IPO11: variants seen among roughly 807,000 people sequenced by gnomAD.
IPO11 encodes importin-11.
Under a neutral mutation model 143.2 loss-of-function variants are expected in IPO11, and 66 were observed. That is an observed-to-expected ratio of 0.46 (90% CI 0.38 to 0.57). The LOEUF (loss-of-function observed/expected upper bound fraction) is 0.57, where lower values mean the gene tolerates loss of function less well. IPO11 is among the 20% of genes least tolerant of loss of function. The probability of loss-of-function intolerance (pLI) is 0.00; values close to 1 mark genes in which losing one functional copy is unlikely to be tolerated. For synonymous variants in IPO11, 385 were observed against 377.8 expected (o/e 1.02, Z -0.22); for missense variants, 1,026 against 1,141.0 (o/e 0.90, Z 1.45).
chr5:62,414,722 T>A (rs1405228367), intron 1 of IPO11, among the ~76,000 whole-genome samples: 1 of 152,236 alleles, frequency 6.6e-6, no homozygotes, highest in East Asian at 1.9e-4. Flanking sequence ...AGCTGCTGAA[T>A]CAAAATCTGC....
intron 26 of IPO11, 65 bp downstream of exon 26, chr5:62,551,401 T>A: frequency 2.3e-6 from 2 of 865,926 alleles, no homozygotes; most frequent in Non-Finnish European, 3.7e-6. Context: ...AATAGTTTGA[T>A]GAAATAATGA....
At chr5:62,443,243 C>A in intron 3 of IPO11, 160 bp downstream of exon 3, 1 of 451,118 alleles carries the variant, frequency 2.2e-6, no homozygotes, top group Non-Finnish European at 3.9e-6. Flanking sequence ...GGTCTCTGTG[C>A]AAGGATGATG....
At chr5:62,461,860 ACGT>A (rs1745371319) in intron 5 of IPO11, among the ~76,000 whole-genome samples, 2 of 152,274 alleles carry the variant, frequency 1.3e-5, no homozygotes, top group African/African-American at 4.8e-5. Flanking sequence ...CATTATACTT[ACGT>A]TGAACATCTC....
At chr5:62,530,189 T>A (rs78859001) in intron 21 of IPO11, among the ~76,000 whole-genome samples, 14,062 of 152,208 alleles carry the variant, frequency 0.092, 661 homozygotes, top group South Asian at 0.16. Context: ...ATGCTTTTGG[T>A]TTATTGTTAT....
intron 26 of IPO11, among the ~76,000 whole-genome samples, chr5:62,552,690 G>A (rs1743429216): frequency 1.3e-5 from 2 of 152,034 alleles, no homozygotes; most frequent in South Asian, 4.1e-4. Flanking sequence ...GTTTCCATGA[G>A]GGGCCTGGTC....
chr5:62,588,520 G>A (rs1398005463), intron 27 of IPO11, among the ~76,000 whole-genome samples: 1 of 152,166 alleles, frequency 6.6e-6, no homozygotes, highest in Non-Finnish European at 1.5e-5. Flanking sequence ...GGCGTGAGCC[G>A]CCATGCCTGG....
intron 7 of IPO11, among the ~76,000 whole-genome samples, chr5:62,471,755 T>TA (rs1314852154): frequency 6.6e-6 from 1 of 152,192 alleles, no homozygotes; most frequent in Non-Finnish European, 1.5e-5. Context: ...ACTAATTTTT[T>TA]AAAAAAGAGA....
rs186068150 is a variant in IPO11, at chr5:62,584,472, G to A, written c.2583-7105G>A. ...AAATAAAAATAAAAAATAAATCTGG[G>A]TGTGGTGGCCTGTGCCCGTAGTCCT... On this transcript the variant is annotated intron_variant, in intron 27 of 29. Coordinates refer to ENST00000325324, the MANE Select transcript of IPO11 (RefSeq NM_016338.5). 3.3e-4 allele frequency among the ~76,000 whole-genome samples: 50 copies of A among 152,044 alleles called. No individual in the cohort carries two copies. The East Asian group carries it at 7.1e-3, about 22-fold the overall frequency.
At chr5:62,511,490 CTT>C (rs1323192209) in intron 19 of IPO11, among the ~76,000 whole-genome samples, 1 of 152,174 alleles carries the variant, frequency 6.6e-6, no homozygotes, top group Non-Finnish European at 1.5e-5. Flanking sequence ...TAACACATCT[CTT>C]AATATTTATT....
At chr5:62,419,989 C>T (rs1349434269) in intron 1 of IPO11, among the ~76,000 whole-genome samples, 3 of 151,814 alleles carry the variant, frequency 2.0e-5, no homozygotes, top group African/African-American at 4.8e-5. Context: ...TGACAGAGAT[C>T]GTAACTCTTA....
At chr5:62,599,958 C>G (rs1745442791) in intron 28 of IPO11, among the ~76,000 whole-genome samples, 1 of 152,038 alleles carries the variant, frequency 6.6e-6, no homozygotes, top group Admixed American at 6.6e-5. Flanking sequence ...TGTTATTTGT[C>G]TAGTTTTTGG....
chr5:62,487,167 T>C (rs1357485574), intron 12 of IPO11, among the ~76,000 whole-genome samples: 1 of 152,224 alleles, frequency 6.6e-6, no homozygotes, highest in East Asian at 1.9e-4. Context: ...TTTTTAAATG[T>C]AGCTAATGCT....
At chr5:62,419,032 C>G in intron 1 of IPO11, 1 of 1,551,208 alleles carries the variant, frequency 6.4e-7, no homozygotes, top group Non-Finnish European at 8.7e-7. Flanking sequence ...GCCTATTATA[C>G]ACTTGGGCTA....
intron 19 of IPO11, among the ~76,000 whole-genome samples, chr5:62,507,252 A>G (rs979710755): frequency 6.6e-6 from 1 of 152,182 alleles, no homozygotes; most frequent in African/African-American, 2.4e-5. Flanking sequence ...CTTTAAGCAT[A>G]ATGCGACTCC....
At chr5:62,569,139 G>A (rs1050746168) in intron 27 of IPO11, among the ~76,000 whole-genome samples, 9 of 152,224 alleles carry the variant, frequency 5.9e-5, no homozygotes, top group African/African-American at 1.2e-4. Flanking sequence ...TGTGGGTGGC[G>A]GGGAGGGGAG....
intron 29 of IPO11, among the ~76,000 whole-genome samples, chr5:62,625,880 T>C: frequency 6.6e-6 from 1 of 152,196 alleles, no homozygotes; most frequent in Non-Finnish European, 1.5e-5. Context: ...CTTTTCTAAT[T>C]GCTGAGTCCA....
chr5:62,594,792 A>C (rs572551436), intron 28 of IPO11, among the ~76,000 whole-genome samples: 2 of 152,300 alleles, frequency 1.3e-5, no homozygotes, highest in Non-Finnish European at 2.9e-5. Context: ...ACAACCTAGA[A>C]GGGGAGACAG....
chr5:62,616,026 T>C (rs996246559), intron 29 of IPO11, among the ~76,000 whole-genome samples: 23 of 121,410 alleles, frequency 1.9e-4, no homozygotes, highest in Admixed American at 1.8e-3. Context: ...TCATGACAAG[T>C]CATTAAAAGT....
At chr5:62,419,298 C>T (rs1253585348) in intron 1 of IPO11, among the ~76,000 whole-genome samples, 1 of 152,086 alleles carries the variant, frequency 6.6e-6, no homozygotes, top group Non-Finnish European at 1.5e-5. Context: ...AAGTGAAGGC[C>T]TAGGGCATTA....
Sources: gnomAD v4.1 joint callset for allele counts (sites outside exome capture counted in the v4.1 genomes callset) on GRCh38, gnomAD v4.1.1 for gene constraint, MANE v1.5 for transcripts, NCBI Gene and HGNC (gene_info 2026-07-23, HGNC 2026-07-21) for gene names.